Variants in MESD observed in about 807,000 individuals in gnomAD.
The protein encoded by MESD is mesoderm development LRP chaperone.
MESD carries 7 observed loss-of-function variants against 12.9 expected under a neutral mutation model. That is an observed-to-expected ratio of 0.54 (90% CI 0.31 to 1.02). The LOEUF is 1.02. MESD is among the 50% of genes least tolerant of loss of function. MESD has a pLI of 0.05. For missense variants in MESD, 342 were observed against 296.7 expected, an observed-to-expected ratio of 1.15 and a Z score of -1.12; for synonymous variants, 126 against 115.6, an observed-to-expected ratio of 1.09 and a Z score of -0.58.
At chr15:80,983,719 G>A (rs997542697) in intron 1 of MESD, among the ~76,000 whole-genome samples, 10 of 152,088 alleles carry the variant, frequency 6.6e-5, no homozygotes, top group East Asian at 1.9e-4. Flanking sequence ...TCAAAGAATC[G>A]TGAACATGTC....
At chr15:80,956,492 G>A (rs1428636488) in intron 3 of MESD, among the ~76,000 whole-genome samples, 3 of 152,218 alleles carry the variant, frequency 2.0e-5, no homozygotes, top group African/African-American at 4.8e-5. Context: ...CTTAGAAAGA[G>A]TAGCACGAGG....
At chr15:80,986,897 A>G (rs1187415883) in intron 1 of MESD, among the ~76,000 whole-genome samples, 1 of 152,242 alleles carries the variant, frequency 6.6e-6, no homozygotes, top group Non-Finnish European at 1.5e-5. Flanking sequence ...ACTAAGTCCC[A>G]GGCACTCTAC....
At chr15:80,979,575 T>G (rs1902518847) in intron 2 of MESD, 98 bp from the exon 3 acceptor site, 2 of 1,371,634 alleles carry the variant, frequency 1.5e-6, no homozygotes, top group African/African-American at 2.9e-5. Flanking sequence ...TTTCAAATTC[T>G]ACATGAATAT....
intron 4 of MESD, chr15:80,949,293 G>A (rs578120080): frequency 8.2e-6 from 3 of 364,124 alleles, no homozygotes; most frequent in Non-Finnish European, 1.6e-5. Flanking sequence ...CAGCTAGGAG[G>A]TAGTCTGGAG....
At chr15:80,952,196 T>C in exon 4 of MESD, 1 of 456,082 alleles carries the variant, frequency 2.2e-6, no homozygotes, top group Non-Finnish European at 4.4e-6. Flanking sequence ...GACAAGAGCA[T>C]GGGGGCTGAG....
chr15:80,973,516 G>A (rs983505170), downstream of MESD, among the ~76,000 whole-genome samples: 1 of 152,108 alleles, frequency 6.6e-6, no homozygotes, highest in Non-Finnish European at 1.5e-5. Context: ...TCCAGTCTTG[G>A]CAACAGAGGC....
At chr15:80,974,059 G>C (rs1902350435), downstream of MESD, among the ~76,000 whole-genome samples, 1 of 151,194 alleles carries the variant, frequency 6.6e-6, no homozygotes, top group South Asian at 2.1e-4. Flanking sequence ...AGCAATTATG[G>C]TTCCCCCCCC....
Position 80,979,212 on chromosome 15 carries a change from T to G in MESD, c.*7A>C. The stretch of plus-strand genomic sequence containing the variant: ...CTGTCCCCCCACAGCGCGTCACTGC[T>G]GCCCCATCACAGGTCTTCTCTTTTA... On this transcript the variant is annotated 3_prime_UTR_variant, in exon 3 of 3. Coordinates refer to ENST00000261758, the MANE Select transcript of MESD (RefSeq NM_015154.3). 6.2e-7 allele frequency: 1 copy of G among 1,612,278 alleles called. No individual in the cohort carries two copies. The highest frequency in any genetic ancestry group is 8.5e-7 in the Non-Finnish European group (1 of 1,179,150).
intron 1 of MESD, among the ~76,000 whole-genome samples, chr15:80,985,422 A>C (rs186544445): frequency 1.3e-5 from 2 of 152,212 alleles, no homozygotes; most frequent in Non-Finnish European, 2.9e-5. Flanking sequence ...CTCCAACCAC[A>C]ATCACTGCAT....
chr15:80,948,706 TG>T, exon 5 of MESD: 10 of 1,559,906 alleles, frequency 6.4e-6, no homozygotes, highest in Non-Finnish European at 8.8e-6. Context: ...CTGGTGGGCG[TG>T]GGGGGCTGGC....
chr15:80,968,551 A>G (rs1425902512), intron 3 of MESD, among the ~76,000 whole-genome samples: 2 of 152,212 alleles, frequency 1.3e-5, no homozygotes, highest in African/African-American at 4.8e-5. Flanking sequence ...AGTGGCTCAC[A>G]CCTGTACTCC....
chr15:80,974,604 A>AATAT (rs1440396264), downstream of MESD, among the ~76,000 whole-genome samples: 1 of 151,536 alleles, frequency 6.6e-6, no homozygotes, highest in African/African-American at 2.4e-5. Flanking sequence ...CAGAGCTAAA[A>AATAT]AAAAAAAAGA....
At chr15:80,952,293 G>A in exon 4 of MESD, 1 of 452,966 alleles carries the variant, frequency 2.2e-6, no homozygotes. Context: ...AGGGGCTCAG[G>A]GGTCTGGAAG....
At chr15:80,988,406 T>A (rs11857576) in intron 1 of MESD, among the ~76,000 whole-genome samples, 9,524 of 152,280 alleles carry the variant, frequency 0.063, 363 homozygotes, top group Middle Eastern at 0.18. Context: ...TAGCTCAGGG[T>A]CTGAGTAGGT....
intron 1 of MESD, among the ~76,000 whole-genome samples, chr15:80,983,108 C>T (rs8032043): frequency 0.3 from 45,164 of 151,680 alleles, 8,944 homozygotes; most frequent in African/African-American, 0.57. Flanking sequence ...TCAGGTGTGG[C>T]GGCAGGTGCC....
At position 80,978,411 on chromosome 15, in the gene MESD, T is replaced by C. The variant is rs909030463; in HGVS notation, c.*808A>G. 5 of 152,140 alleles carry C rather than the reference T, an allele frequency of 3.3e-5. No individual in the cohort carries two copies. The highest frequency in any genetic ancestry group is 1.2e-4 in the African/African-American group (5 of 41,436). 9.4% of individuals were successfully genotyped at this position (152,140 alleles called of 1,614,324 possible). A position where few individuals can be genotyped will look rare whatever the true frequency, so the allele number is the denominator to read the frequency against. ...TTAGGCACTTTATCAAAGAAAAATG[T>C]TTAGAAACAAATGAGGTTATTGAGT... On this transcript the variant is annotated 3_prime_UTR_variant, in exon 3 of 3. Transcript: ENST00000261758.
intron 1 of MESD, among the ~76,000 whole-genome samples, chr15:80,987,781 G>A (rs927383296): frequency 9.9e-5 from 15 of 151,414 alleles, no homozygotes; most frequent in African/African-American, 3.1e-4. Context: ...GAGCCACTGC[G>A]CCCAGCCAAC....
At chr15:80,968,247 C>T (rs995212960) in intron 3 of MESD, among the ~76,000 whole-genome samples, 1 of 152,224 alleles carries the variant, frequency 6.6e-6, no homozygotes, top group East Asian at 1.9e-4. Context: ...AGCTGACCCG[C>T]TCTGCTCTGG....
At chr15:80,979,580 G>T in intron 2 of MESD, 103 bp from the exon 3 acceptor site, 2 of 1,356,736 alleles carry the variant, frequency 1.5e-6, no homozygotes, top group Non-Finnish European at 9.9e-7. Flanking sequence ...AATTCTACAT[G>T]AATATGGAAT....
Sources: allele counts gnomAD v4.1 joint callset (sites outside exome capture counted in the v4.1 genomes callset), GRCh38; gene constraint gnomAD v4.1.1; transcripts MANE v1.5; gene names NCBI Gene and HGNC (gene_info 2026-07-23, HGNC 2026-07-21).